The following ZFPM2 variants were observed in gnomAD, a reference collection of about 807,000 sequenced individuals.
ZFPM2 encodes the protein zinc finger protein, FOG family member 2.
Under a neutral mutation model 98.6 loss-of-function variants are expected in ZFPM2, and 20 were observed. The ratio of observed to expected loss-of-function variants is 0.20; its 90% CI spans 0.14 to 0.29. The LOEUF (loss-of-function observed/expected upper bound fraction) is 0.29, where lower values mean the gene tolerates loss of function less well. Ranked by LOEUF, ZFPM2 falls within the 10% of genes least tolerant of loss-of-function variation. ZFPM2 has a pLI of 1.00. For missense variants in ZFPM2, 1,310 were observed against 1,388.6 expected (o/e 0.94, Z 0.90); for synonymous variants, 518 against 502.7 (o/e 1.03, Z -0.41).
chr8:105,418,829 G>A (rs1482537182), intron 1 of ZFPM2: 3 of 540,308 alleles, frequency 5.6e-6, no homozygotes, highest in Non-Finnish European at 7.2e-6. Flanking sequence ...TGAACATAAA[G>A]TGCACAGTTT....
intron 5 of ZFPM2, chr8:105,676,065 T>C (rs188197364): frequency 6.6e-6 from 1 of 152,292 alleles, no homozygotes; most frequent in Admixed American, 6.5e-5. Context: ...CCAGATGCCA[T>C]TGCATCTTTT....
rs1483529723 is a variant in ZFPM2 at position 105,444,388 on chromosome 8, G to C, written c.301+7G>C. 1 of 1,600,424 alleles carries C rather than the reference G, an allele frequency of 6.2e-7. No individual in the cohort carries two copies. Among genetic ancestry groups the C allele is most frequent in the Non-Finnish European group, 8.5e-7 (1 of 1,172,282 alleles). ...GACGACTGGGATGGACCAGGTAGGG[G>C]AGAATATTTAAAATTCAACCGTCTT... On this transcript the variant is annotated splice_region_variant and intron_variant, in intron 3 of 7. Transcript: ENST00000407775.
intron 5 of ZFPM2, among the ~76,000 whole-genome samples, chr8:105,667,716 A>G (rs1034567178): frequency 3.9e-5 from 6 of 152,330 alleles, no homozygotes; most frequent in Admixed American, 2.6e-4. Context: ...TCTTTCCTCT[A>G]TTAAAGCCAG....
chr8:105,323,301 A>G (rs1288374394), intron 1 of ZFPM2, among the ~76,000 whole-genome samples: 2 of 151,968 alleles, frequency 1.3e-5, no homozygotes, highest in African/African-American at 4.8e-5. Flanking sequence ...TCTCCTGCCA[A>G]ATATTAAGAC....
At chr8:105,663,821 G>A (rs555454509) in intron 5 of ZFPM2, among the ~76,000 whole-genome samples, 1 of 152,314 alleles carries the variant, frequency 6.6e-6, no homozygotes, top group Admixed American at 6.5e-5. Context: ...TTCACTCTAA[G>A]ATGGTCTCTG....
intron 1 of ZFPM2, among the ~76,000 whole-genome samples, chr8:105,349,069 G>T (rs1812593872): frequency 6.6e-6 from 1 of 152,140 alleles, no homozygotes; most frequent in Non-Finnish European, 1.5e-5. Flanking sequence ...TGAGCCCAAG[G>T]AGCCTGGGTT....
intron 5 of ZFPM2, among the ~76,000 whole-genome samples, chr8:105,683,777 A>T (rs1437308804): frequency 6.6e-6 from 1 of 152,130 alleles, no homozygotes; most frequent in Non-Finnish European, 1.5e-5. Context: ...TCTTTCTCTG[A>T]CTTTCTAAAA....
At chr8:105,440,515 C>T (rs1812214255) in intron 2 of ZFPM2, among the ~76,000 whole-genome samples, 1 of 152,094 alleles carries the variant, frequency 6.6e-6, no homozygotes. Flanking sequence ...AAGAGTCCAT[C>T]AGGAAACTGA....
chr8:105,488,574 A>G (rs1813284383), intron 3 of ZFPM2, among the ~76,000 whole-genome samples: 1 of 152,116 alleles, frequency 6.6e-6, no homozygotes, highest in African/African-American at 2.4e-5. Context: ...AGCCTGGCCA[A>G]TATGGTGAAA....
intron 3 of ZFPM2, among the ~76,000 whole-genome samples, chr8:105,552,372 C>A (rs1227536893): frequency 1.3e-5 from 2 of 152,148 alleles, no homozygotes; most frequent in Admixed American, 6.6e-5. Flanking sequence ...CATAACCTTC[C>A]TCTGTTTCTT....
At chr8:105,476,207 G>C (rs1444318305) in intron 3 of ZFPM2, among the ~76,000 whole-genome samples, 3 of 152,122 alleles carry the variant, frequency 2.0e-5, no homozygotes, top group Non-Finnish European at 4.4e-5. Context: ...ACTGGAACAG[G>C]GGTCCCCAAC....
chr8:105,450,235 G>A (rs1380251600), intron 3 of ZFPM2, among the ~76,000 whole-genome samples: 1 of 152,086 alleles, frequency 6.6e-6, no homozygotes, highest in African/African-American at 2.4e-5. Flanking sequence ...TTTGCATGAA[G>A]TGAAACTGTA....
chr8:105,728,181 G>A (rs971949145), intron 5 of ZFPM2, among the ~76,000 whole-genome samples: 1 of 151,592 alleles, frequency 6.6e-6, no homozygotes, highest in African/African-American at 2.4e-5. Flanking sequence ...ACTCATATTG[G>A]GAAAGTTATG....
chr8:105,487,929 T>TCTAG (rs67078135), intron 3 of ZFPM2, among the ~76,000 whole-genome samples: 37 of 82,740 alleles, frequency 4.5e-4, no homozygotes, highest in South Asian at 1.0e-3. Flanking sequence ...TATCTATCTA[T>TCTAG]CTAGCTAGCT....
chr8:105,330,965 G>T (rs1220685022), intron 1 of ZFPM2, among the ~76,000 whole-genome samples: 1 of 150,804 alleles, frequency 6.6e-6, no homozygotes, highest in African/African-American at 2.4e-5. Context: ...TAGTATTTCA[G>T]TTTTTTTGTG....
chr8:105,441,061 A>G (rs898947708), intron 2 of ZFPM2, among the ~76,000 whole-genome samples: 40 of 152,216 alleles, frequency 2.6e-4, no homozygotes, highest in Non-Finnish European at 4.9e-4. Context: ...AGGCTGAGGC[A>G]GAAGAATCAC....
chr8:105,595,869 A>G (rs1815958499), intron 4 of ZFPM2, among the ~76,000 whole-genome samples: 1 of 152,036 alleles, frequency 6.6e-6, no homozygotes, highest in Non-Finnish European at 1.5e-5. Context: ...ATTCCTCATG[A>G]TTAAATTTCA....
At chr8:105,594,984 A>T (rs1008080032) in intron 4 of ZFPM2, among the ~76,000 whole-genome samples, 2 of 151,206 alleles carry the variant, frequency 1.3e-5, no homozygotes, top group South Asian at 2.1e-4. Flanking sequence ...GTTTCTTTTT[A>T]TAAATAAGCA....
intron 3 of ZFPM2, among the ~76,000 whole-genome samples, chr8:105,533,506 A>G (rs1306679195): frequency 6.6e-6 from 1 of 152,182 alleles, no homozygotes; most frequent in Non-Finnish European, 1.5e-5. Context: ...AAGAAAACAT[A>G]TAAGGTATTC....
Sources: gnomAD v4.1 joint callset for allele counts (sites outside exome capture counted in the v4.1 genomes callset) on GRCh38, gnomAD v4.1.1 for gene constraint, MANE v1.5 for transcripts, NCBI Gene and HGNC (gene_info 2026-07-23, HGNC 2026-07-21) for gene names.